MTRF1: variants seen among roughly 807,000 people sequenced by gnomAD.
MTRF1 encodes the protein peptide chain release factor 1, mitochondrial.
A neutral mutation model predicts 62.9 loss-of-function variants in MTRF1; 51 were observed. The ratio of observed to expected loss-of-function variants is 0.81; its 90% CI spans 0.65 to 1.02. The LOEUF is 1.02. Among genes scored for constraint, MTRF1 ranks in the 50% least tolerant of loss-of-function variants. The probability of loss-of-function intolerance (pLI) is 0.00; values close to 1 mark genes in which losing one functional copy is unlikely to be tolerated. For missense variants in MTRF1, 446 were observed against 530.0 expected, an observed-to-expected ratio of 0.84 and a Z score of 1.56; for synonymous variants, 158 against 181.9, an observed-to-expected ratio of 0.87 and a Z score of 1.06.
the MTRF1 span, among the ~76,000 whole-genome samples, chr13:41,304,591 T>C: frequency 6.6e-6 from 1 of 152,204 alleles, no homozygotes. Context: ...CAGCCTTTGG[T>C]ACAAAAGGAA....
chr13:41,235,921 T>TG (rs2036451817), intron 6 of MTRF1: 1 of 152,722 alleles, frequency 6.5e-6, no homozygotes, highest in Admixed American at 6.6e-5. Flanking sequence ...TTTTTTTTTT[T>TG]GAGACAGAGT....
At chr13:41,269,005 C>G in the MTRF1 span, among the ~76,000 whole-genome samples, 2 of 148,638 alleles carry the variant, frequency 1.3e-5, no homozygotes, top group Admixed American at 6.7e-5. Context: ...TCTGGTTTGA[C>G]GTGACCATCC....
At chr13:41,219,856 G>A (rs906059721) in intron 9 of MTRF1, among the ~76,000 whole-genome samples, 4 of 151,808 alleles carry the variant, frequency 2.6e-5, no homozygotes, top group Non-Finnish European at 4.4e-5. Context: ...AAATTAGCTG[G>A]GCATGGTGGT....
intron 6 of MTRF1, among the ~76,000 whole-genome samples, chr13:41,238,350 AAGAAGAAT>A (rs2037004042): frequency 6.6e-6 from 1 of 152,230 alleles, no homozygotes; most frequent in South Asian, 2.1e-4. Context: ...TTTGAAGGTA[AAGAAGAAT>A]AGTAACTATA....
At chr13:41,292,796 G>T in the MTRF1 span, among the ~76,000 whole-genome samples, 3 of 151,912 alleles carry the variant, frequency 2.0e-5, no homozygotes, top group Non-Finnish European at 4.4e-5. Context: ...TTAGCTAGGT[G>T]GTGGCATGCA....
At chr13:41,261,207 G>C (rs1234967342) in intron 1 of MTRF1, 1 of 221,188 alleles carries the variant, frequency 4.5e-6, no homozygotes, top group Non-Finnish European at 9.1e-6. Flanking sequence ...GGTGGCAGGC[G>C]CCTGTAATCC....
intron 2 of MTRF1, chr13:41,257,527 G>C (rs982497603): frequency 5.4e-6 from 1 of 183,886 alleles, no homozygotes; most frequent in Non-Finnish European, 1.2e-5. Context: ...TTCTCCCCTC[G>C]CTGGCTGAGT....
At chr13:41,283,781 G>A in the MTRF1 span, among the ~76,000 whole-genome samples, 2 of 151,296 alleles carry the variant, frequency 1.3e-5, no homozygotes, top group Non-Finnish European at 3.0e-5. Context: ...AGTAGAGACG[G>A]GGTTTCACCT....
chr13:41,225,038 CCCAT>C lies in MTRF1; in HGVS notation c.1125+1390_1125+1393del, dbSNP rs200721351. Among the ~76,000 whole-genome samples the C allele has an allele frequency of 5.6e-3, 856 of 152,100 alleles. 11 individuals are homozygous for C. Among genetic ancestry groups the C allele is most frequent in the African/African-American group, 0.019 (799 of 41,472 alleles). Reference sequence around the variant, plus strand: ...ACCAGCCTGGCCAACATGACAAAAACCCATCTCTGTAAAAAATACAAAAATGAGC... The same window carrying C: ...ACCAGCCTGGCCAACATGACAAAAACCTCTGTAAAAAATACAAAAATGAGC... On this transcript the variant is annotated intron_variant, in intron 8 of 9. Coordinates refer to ENST00000379480, the MANE Select transcript of MTRF1 (RefSeq NM_004294.4).
At chr13:41,284,435 A>G in the MTRF1 span, among the ~76,000 whole-genome samples, 1 of 150,678 alleles carries the variant, frequency 6.6e-6, no homozygotes, top group Non-Finnish European at 1.5e-5. Context: ...GTAAGCAGAG[A>G]TTGCACTCTA....
Position 41,226,523 on chromosome 13 carries a change from T to A in MTRF1, c.1034A>T (p.Lys345Ile). 6.2e-7 allele frequency: 1 copy of A among 1,614,030 alleles called. No homozygotes were observed. The highest frequency in any genetic ancestry group is 8.5e-7 in the Non-Finnish European group (1 of 1,179,980). Residue 345 changes from lysine to isoleucine, a missense_variant, in exon 8 of 10, where the codon AAA becomes ATA. By Grantham distance (102) the Lys-to-Ile change is moderately radical. Transcript: ENST00000379480. ...CQQERSQIKN[K>I]EIAFRVLRAR... ...TCTCAACACACGAAAGGCTATTTCT[T>A]TATTTTTTATCTGTGATCTTTCTTG... is the stretch of plus-strand genomic sequence containing the variant.
upstream of MTRF1, among the ~76,000 whole-genome samples, chr13:41,265,528 A>T (rs990904559): frequency 1.3e-5 from 2 of 152,088 alleles, no homozygotes; most frequent in African/African-American, 4.8e-5. Context: ...TGAAGCCCTA[A>T]CCCCTCCAAT....
At chr13:41,273,325 CAAA>C in the MTRF1 span, among the ~76,000 whole-genome samples, 11 of 120,258 alleles carry the variant, frequency 9.1e-5, no homozygotes, top group Non-Finnish European at 1.2e-4. Context: ...GACTCCGTCT[CAAA>C]AAAAAAAAAA....
At chr13:41,262,561 C>G (rs2040587918) in intron 1 of MTRF1, 1 of 152,086 alleles carries the variant, frequency 6.6e-6, no homozygotes, top group Non-Finnish European at 1.5e-5. Flanking sequence ...TGTTCTCCTC[C>G]CCTCCAACAG....
chr13:41,231,958 C>A (rs889525513), intron 7 of MTRF1, among the ~76,000 whole-genome samples: 1 of 150,430 alleles, frequency 6.6e-6, no homozygotes, highest in Non-Finnish European at 1.5e-5. Flanking sequence ...GAAGCTGGGA[C>A]GGGGGAGTGG....
chr13:41,226,052 G>A (rs562446718), intron 8 of MTRF1, among the ~76,000 whole-genome samples: 32 of 152,154 alleles, frequency 2.1e-4, no homozygotes, highest in African/African-American at 7.7e-4. Flanking sequence ...AGTGCCATTT[G>A]TATTTGATCT....
the MTRF1 span, among the ~76,000 whole-genome samples, chr13:41,289,232 A>ATTT: frequency 6.8e-4 from 93 of 137,478 alleles, 2 homozygotes; most frequent in Admixed American, 5.3e-4. Context: ...GTGGATTTAA[A>ATTT]TTTTTTTTTT....
rs1381526649 is a variant in MTRF1 at position 41,252,752 on chromosome 13, C to A, written c.590G>T (p.Gly197Val). 1.2e-6 allele frequency: 2 copies of A among 1,612,250 alleles called. No homozygotes were observed. The highest frequency in any genetic ancestry group is 1.7e-5 in the Admixed American group (1 of 59,942). The part of the protein sequence containing the change: ...LEVTAGRTTG[G>V]DICQQFTREI... ...TCGGGTAAATTGTTGGCAGATGTCA[C>A]CTAAAACAAAATACGAAAAATATTT... Residue 197 changes from glycine to valine, a missense_variant and splice_region_variant, in exon 5 of 10, where the codon GGT (glycine) becomes GTT (valine). Coordinates refer to ENST00000379480, the MANE Select transcript of MTRF1 (RefSeq NM_004294.4).
intron 5 of MTRF1, among the ~76,000 whole-genome samples, chr13:41,244,811 C>A (rs147942259): frequency 6.6e-6 from 1 of 152,268 alleles, no homozygotes; most frequent in African/African-American, 2.4e-5. Context: ...ACAACCCCAC[C>A]CAACAGCTTA....
Sources: gnomAD v4.1 joint callset for allele counts (sites outside exome capture counted in the v4.1 genomes callset) on GRCh38, gnomAD v4.1.1 for gene constraint, MANE v1.5 for transcripts, NCBI Gene and HGNC (gene_info 2026-07-23, HGNC 2026-07-21) for gene names.